EXOC2: variants seen among roughly 807,000 people sequenced by gnomAD.
The protein encoded by EXOC2 is SEC5-like 1.
EXOC2 carries 70 observed loss-of-function variants against 131.8 expected under a neutral mutation model. That is an observed-to-expected ratio of 0.53 (90% CI 0.44 to 0.65). EXOC2 has a LOEUF of 0.65. Ranked by LOEUF, EXOC2 falls within the 30% of genes least tolerant of loss-of-function variation. The probability of loss-of-function intolerance (pLI) is 0.00; values close to 1 mark genes in which losing one functional copy is unlikely to be tolerated. For synonymous variants in EXOC2, 411 were observed against 398.4 expected, an observed-to-expected ratio of 1.03 and a Z score of -0.38; for missense variants, 923 against 1,108.6, an observed-to-expected ratio of 0.83 and a Z score of 2.38.
chr6:646,632 T>C (rs1454282983), intron 1 of EXOC2, among the ~76,000 whole-genome samples: 5 of 152,228 alleles, frequency 3.3e-5, no homozygotes, highest in Non-Finnish European at 7.3e-5. Flanking sequence ...ATTTTCACAT[T>C]TGACATCAGC....
At chr6:508,233 C>T (rs971194638) in intron 23 of EXOC2, among the ~76,000 whole-genome samples, 1 of 152,138 alleles carries the variant, frequency 6.6e-6, no homozygotes, top group Admixed American at 6.5e-5. Context: ...TACACACGGC[C>T]GCCCCAACTG....
chr6:656,075 A>G (rs1415856496), intron 1 of EXOC2: 1 of 1,522,186 alleles, frequency 6.6e-7, no homozygotes, highest in Non-Finnish European at 9.0e-7. Flanking sequence ...AAAGATCAAA[A>G]CCTTAAAAAA....
chr6:676,195 C>T (rs113350771), intron 1 of EXOC2, among the ~76,000 whole-genome samples: 62 of 46,758 alleles, frequency 1.3e-3, no homozygotes, highest in African/African-American at 2.8e-3. Flanking sequence ...GACTGCGGTT[C>T]CCCATACTCT....
chr6:668,098 A>G (rs573408310), intron 1 of EXOC2, among the ~76,000 whole-genome samples: 114 of 151,850 alleles, frequency 7.5e-4, no homozygotes, highest in African/African-American at 2.7e-3. Context: ...TTGGTTTTTG[A>G]TTTTCTGCAA....
At chr6:578,455 C>A (rs1054836300) in intron 11 of EXOC2, among the ~76,000 whole-genome samples, 9 of 152,014 alleles carry the variant, frequency 5.9e-5, no homozygotes, top group African/African-American at 2.2e-4. Context: ...AGCAAAAAAA[C>A]GCTAAGCAGA....
At chr6:574,056 G>A (rs140551128) in intron 12 of EXOC2, among the ~76,000 whole-genome samples, 1 of 152,134 alleles carries the variant, frequency 6.6e-6, no homozygotes, top group East Asian at 1.9e-4. Flanking sequence ...TAAGGCAAAG[G>A]CTTCCTCTTT....
intron 12 of EXOC2, 53 bp from the exon 13 acceptor site, chr6:572,697 A>C (rs1758352519): frequency 6.3e-7 from 1 of 1,585,174 alleles, no homozygotes; most frequent in South Asian, 1.2e-5. Context: ...TCAAGAAAAC[A>C]CCTTTGAGCA....
rs757175509 is a variant in EXOC2, at chr6:576,750, T to A, written c.1318+7A>T. 14 of 1,612,882 alleles carry A rather than the reference T, an allele frequency of 8.7e-6. No individual in the cohort carries two copies. In the South Asian group the frequency reaches 1.5e-4, roughly 18 times the overall value. ...AAGACCCAGTGGCAGTGGAGGGAGATACTTACTGTCGTCTCGACCAGACTG... is the reference window on the plus strand; with the variant it reads ...AAGACCCAGTGGCAGTGGAGGGAGAAACTTACTGTCGTCTCGACCAGACTG... On this transcript the variant is annotated splice_region_variant and intron_variant, in intron 12 of 27. Transcript: ENST00000230449.
At chr6:650,972 AT>A (rs1005969023) in intron 1 of EXOC2, among the ~76,000 whole-genome samples, 10 of 152,050 alleles carry the variant, frequency 6.6e-5, no homozygotes, top group Admixed American at 3.9e-4. Context: ...GCAATTTGTT[AT>A]GTCAAAATCA....
At chr6:572,921 C>A (rs559080104) in intron 12 of EXOC2, among the ~76,000 whole-genome samples, 2 of 152,234 alleles carry the variant, frequency 1.3e-5, no homozygotes, top group African/African-American at 4.8e-5. Context: ...TGGCCACAGC[C>A]TCAGTACTGG....
chr6:656,333 A>T, intron 1 of EXOC2: 1 of 1,614,190 alleles, frequency 6.2e-7, no homozygotes, highest in Non-Finnish European at 8.5e-7. Flanking sequence ...CAAGATTTTT[A>T]AAATAACTTT....
chr6:546,547 C>T (rs9504290), intron 22 of EXOC2, among the ~76,000 whole-genome samples: 2,512 of 152,274 alleles, frequency 0.016, 74 homozygotes, highest in African/African-American at 0.056. Context: ...CACTTATACA[C>T]GCATTTTCTT....
At chr6:542,455 C>A (rs1244314344) in intron 22 of EXOC2, among the ~76,000 whole-genome samples, 1 of 152,166 alleles carries the variant, frequency 6.6e-6, no homozygotes, top group Non-Finnish European at 1.5e-5. Flanking sequence ...AGAGGCCCTA[C>A]AGGCTTAACA....
intron 1 of EXOC2, among the ~76,000 whole-genome samples, chr6:690,950 A>C (rs1327386044): frequency 1.3e-5 from 2 of 152,172 alleles, no homozygotes; most frequent in Non-Finnish European, 2.9e-5. Flanking sequence ...CCAGTTTCAA[A>C]ATCCTCTCAA....
At chr6:639,898 G>A (rs537306468) in intron 1 of EXOC2, among the ~76,000 whole-genome samples, 22 of 152,318 alleles carry the variant, frequency 1.4e-4, no homozygotes, top group African/African-American at 5.1e-4. Flanking sequence ...ACAAACCGGT[G>A]AGGTCCAGAT....
chr6:678,963 TC>T (rs1373208381), intron 1 of EXOC2, among the ~76,000 whole-genome samples: 3 of 152,142 alleles, frequency 2.0e-5, no homozygotes, highest in African/African-American at 7.2e-5. Flanking sequence ...GTTAAAGAAT[TC>T]CTGGTGATGT....
chr6:564,657 C>T lies in EXOC2; in HGVS notation c.1555G>A (p.Gly519Arg), dbSNP rs368593217. The T allele has an allele frequency of 5.0e-6, 8 of 1,609,482 alleles. No homozygotes were observed. The highest frequency in any genetic ancestry group is 1.7e-4 in the Middle Eastern group (1 of 6,056). The change falls in exon 15 of 28, where the codon GGA (glycine) becomes AGA (arginine). Residue 519 changes from glycine to arginine, a missense_variant. Coordinates refer to ENST00000230449, the MANE Select transcript of EXOC2 (RefSeq NM_018303.6). The part of the protein sequence containing the change: ...VMHSLVKLTR[G>R]ALLPLSIRDG... ...CGGATGCTGAGGGGAAGCAGGGCTCCGCGGGTAAGCTTCACCAGGGAGTGC... is the reference window on the plus strand; with the variant it reads ...CGGATGCTGAGGGGAAGCAGGGCTCTGCGGGTAAGCTTCACCAGGGAGTGC...
chr6:615,318 C>T (rs1581560570), intron 6 of EXOC2, among the ~76,000 whole-genome samples: 1 of 151,994 alleles, frequency 6.6e-6, no homozygotes, highest in Non-Finnish European at 1.5e-5. Context: ...ACCCCAGACA[C>T]GAATGCACTC....
At chr6:508,491 T>C (rs1269459820) in intron 23 of EXOC2, among the ~76,000 whole-genome samples, 1 of 152,208 alleles carries the variant, frequency 6.6e-6, no homozygotes, top group Non-Finnish European at 1.5e-5. Flanking sequence ...ATCTTTTTAA[T>C]CTCTCCATAG....
Sources: allele counts gnomAD v4.1 joint callset (sites outside exome capture counted in the v4.1 genomes callset), GRCh38; gene constraint gnomAD v4.1.1; transcripts MANE v1.5; gene names NCBI Gene and HGNC (gene_info 2026-07-23, HGNC 2026-07-21).